The following CETP variants were observed in gnomAD, a reference collection of about 807,000 sequenced individuals.
The protein encoded by CETP is BPI fold containing family F.
CETP carries 56 observed loss-of-function variants against 66.5 expected under a neutral mutation model. That is an observed-to-expected ratio of 0.84 (90% confidence interval 0.68 to 1.05). CETP has a LOEUF of 1.05. Among genes scored for constraint, CETP ranks in the 50% least tolerant of loss-of-function variants. The pLI, the probability that CETP is intolerant of heterozygous loss-of-function variation, is 0.00. For synonymous variants in CETP, 251 were observed against 245.7 expected (o/e 1.02, Z -0.20); for missense variants, 612 against 609.6 (o/e 1.00, Z -0.04).
intron 2 of CETP, among the ~76,000 whole-genome samples, chr16:56,963,989 AT>A (rs1373005791): frequency 7.3e-6 from 1 of 137,322 alleles, no homozygotes; most frequent in East Asian, 2.1e-4. Context: ...CTTAATCTTT[AT>A]TTTATTTATT....
chr16:56,971,928 G>C (rs1026377400), intron 7 of CETP, 64 bp from the exon 8 acceptor site: 2 of 1,379,934 alleles, frequency 1.4e-6, no homozygotes, highest in Admixed American at 3.3e-5. Flanking sequence ...GTGGATGCAG[G>C]GGAGCGGTGA....
intron 15 of CETP, 44 bp from the exon 16 acceptor site, chr16:56,983,548 A>T (rs912208777): frequency 6.2e-7 from 1 of 1,607,518 alleles, no homozygotes; most frequent in African/African-American, 1.3e-5. Context: ...GTGGCCTGGG[A>T]GTCAGCCCAG....
intron 2 of CETP, among the ~76,000 whole-genome samples, chr16:56,965,040 A>G (rs140113750): frequency 1.3e-5 from 2 of 152,228 alleles, no homozygotes; most frequent in Non-Finnish European, 2.9e-5. Flanking sequence ...GCGGTGAGCT[A>G]TGATTGCATC....
At position 56,979,876 on chromosome 16, in the gene CETP, TAGAA is replaced by T. The variant is rs1468765138; in HGVS notation, c.1147-1277_1147-1274del. On this transcript the variant is annotated intron_variant, in intron 11 of 15. Coordinates refer to ENST00000200676, the MANE Select transcript of CETP (RefSeq NM_000078.3). ...TCACATTGTGGAAAATATAGAAAAATAGAAAGAAGAAAACCACTGTCACCATAAC... is the reference window on the plus strand; with the variant it reads ...TCACATTGTGGAAAATATAGAAAAATAGAAGAAAACCACTGTCACCATAAC... Among the ~76,000 whole-genome samples the T allele has an allele frequency of 6.6e-5, 10 of 152,144 alleles. No homozygotes were observed. The South Asian group carries it at 8.3e-4, about 13-fold the overall frequency.
At chr16:56,967,859 C>G (rs548554143) in intron 2 of CETP, among the ~76,000 whole-genome samples, 6 of 151,384 alleles carry the variant, frequency 4.0e-5, no homozygotes, top group African/African-American at 7.3e-5. Flanking sequence ...CCCAGCTATT[C>G]CAGAGGCTGA....
intron 13 of CETP, 150 bp from the exon 14 acceptor site, chr16:56,982,015 C>G: frequency 1.3e-6 from 1 of 773,898 alleles, no homozygotes; most frequent in East Asian, 2.6e-5. Context: ...TCAGGAAGGG[C>G]ACCGTCTGGG....
At chr16:56,978,376 G>A in intron 11 of CETP, 121 bp downstream of exon 11, 1 of 1,195,188 alleles carries the variant, frequency 8.4e-7, no homozygotes, top group Admixed American at 1.7e-5. Flanking sequence ...TGCTGGCACT[G>A]GTTGTCTCTT....
In CETP at chr16:56,963,212, G is replaced by A. The variant is rs772984744; in HGVS notation, c.233+88G>A. On this transcript the variant is annotated intron_variant, in intron 2 of 15. Coordinates refer to ENST00000200676, the MANE Select transcript of CETP (RefSeq NM_000078.3). The stretch of plus-strand genomic sequence containing the variant: ...TTGCCCCCAGCCCACAGGGAGGAAA[G>A]GCAGCAGCTGGGGGACTCAGGTCTC... 32 of 1,031,178 alleles carry A rather than the reference G, an allele frequency of 3.1e-5. No homozygotes were observed. In the African/African-American group the frequency reaches 4.4e-4, roughly 14 times the overall value. The allele number at this position is 1,031,178 out of a possible 1,614,324, so 63.9% of individuals were successfully genotyped here.
intron 2 of CETP, among the ~76,000 whole-genome samples, chr16:56,966,581 T>C (rs1160648466): frequency 6.6e-6 from 1 of 151,950 alleles, no homozygotes; most frequent in African/African-American, 2.4e-5. Flanking sequence ...TTTTGTTTGT[T>C]TGTTTGTGGG....
rs528874639 is a variant in CETP at position 56,981,457 on chromosome 16, G to A, written c.1215-190G>A. 3.9e-5 allele frequency among the ~76,000 whole-genome samples: 6 copies of A among 152,272 alleles called. No individual in the cohort carries two copies. In the South Asian group the frequency reaches 1.0e-3, roughly 26 times the overall value. ...AAGAAGGGCCTGGCAGGAGGAGAGC[G>A]CTGCCCGAGCAAAGGCCTGGCCGCC... On this transcript the variant is annotated intron_variant, in intron 12 of 15. Transcript: ENST00000200676.
chr16:56,975,253 A>G lies in CETP; in HGVS notation c.981+102A>G, dbSNP rs116351574. On this transcript the variant is annotated intron_variant, in intron 10 of 15. Coordinates refer to ENST00000200676, the MANE Select transcript of CETP (RefSeq NM_000078.3). ...GCCAATAACACCACCAATGGCAACA[A>G]TTATAACAGCGAACACAGCTCCTAC... The G allele has an allele frequency of 9.5e-4, 946 of 992,026 alleles. 5 individuals are homozygous for G. The African/African-American group carries it at 0.013, about 13-fold the overall frequency. 61.5% of individuals were successfully genotyped at this position (992,026 alleles called of 1,614,324 possible).
intron 9 of CETP, 48 bp downstream of exon 9, chr16:56,973,558 A>G (rs766234439): frequency 2.1e-5 from 34 of 1,592,260 alleles, no homozygotes; most frequent in Non-Finnish European, 2.7e-5. Context: ...GGCATGTGGT[A>G]TGTGTGTGTG....
intron 10 of CETP, among the ~76,000 whole-genome samples, chr16:56,977,099 C>G (rs372413585): frequency 6.6e-6 from 1 of 151,776 alleles, no homozygotes; most frequent in Non-Finnish European, 1.5e-5. Flanking sequence ...TTAGTAGAGA[C>G]GGGGTTTCAC....
intron 2 of CETP, among the ~76,000 whole-genome samples, chr16:56,968,886 G>T (rs2056087311): frequency 6.6e-6 from 1 of 151,688 alleles, no homozygotes. Flanking sequence ...CTAGCTTTGG[G>T]CTTAGTTTGC....
chr16:56,974,035 A>T (rs2056132653), intron 9 of CETP, among the ~76,000 whole-genome samples: 1 of 152,214 alleles, frequency 6.6e-6, no homozygotes, highest in African/African-American at 2.4e-5. Flanking sequence ...GTCCATCTTT[A>T]ACTACCAGGC....
chr16:56,970,980 C>T lies in CETP; in HGVS notation c.528-53C>T, dbSNP rs12708972. 5.6e-3 allele frequency: 8,736 copies of T among 1,558,638 alleles called. 46 individuals are homozygous for T. The highest frequency in any genetic ancestry group is 9.0e-3 in the Middle Eastern group (54 of 5,976). ...CGGTGCCTGGTACACACTAGGCGCT[C>T]CATGGATGCACAGGACTGGTCAGGG... On this transcript the variant is annotated intron_variant, in intron 5 of 15. Coordinates refer to ENST00000200676, the MANE Select transcript of CETP (RefSeq NM_000078.3).
In CETP at chr16:56,962,002, C is replaced by A. The variant is rs991188482; in HGVS notation, c.23C>A (p.Thr8Asn). 4 of 1,613,982 alleles carry A rather than the reference C, an allele frequency of 2.5e-6. No individual in the cohort carries two copies. Among genetic ancestry groups the A allele is most frequent in the African/African-American group, 1.3e-5 (1 of 74,936 alleles). The change falls in exon 1 of 16, where the codon ACC becomes AAC. Residue 8 changes from threonine to asparagine, a missense_variant. Transcript: ENST00000200676. The stretch of plus-strand genomic sequence containing the variant: ...ACCATGCTGGCTGCCACAGTCCTGA[C>A]CCTGGCCCTGCTGGGCAATGCCCAT... MLAATVLTLALLGNAHAC... is the reference protein window; with the variant it reads MLAATVLNLALLGNAHAC...
chr16:56,967,345 C>CACAA (rs1160116053), intron 2 of CETP, among the ~76,000 whole-genome samples: 27 of 142,602 alleles, frequency 1.9e-4, no homozygotes, highest in Non-Finnish European at 3.9e-4. Flanking sequence ...AATTCTGTCA[C>CACAA]ACAAACAAAC....
intron 14 of CETP, among the ~76,000 whole-genome samples, chr16:56,982,834 G>C (rs1322402493): frequency 6.6e-6 from 1 of 152,174 alleles, no homozygotes; most frequent in African/African-American, 2.4e-5. Flanking sequence ...TTAGGTAGGA[G>C]AGGAAGGGCG....
Sources: gnomAD v4.1 joint callset for allele counts (sites outside exome capture counted in the v4.1 genomes callset) on GRCh38, gnomAD v4.1.1 for gene constraint, MANE v1.5 for transcripts, NCBI Gene and HGNC (gene_info 2026-07-23, HGNC 2026-07-21) for gene names.